Variants in ST7L observed in about 807,000 individuals in gnomAD.
ST7L encodes the protein suppressor of tumorigenicity 7 protein-like.
A neutral mutation model predicts 72.5 loss-of-function variants in ST7L; 57 were observed. The ratio of observed to expected loss-of-function variants is 0.79; its 90% CI spans 0.64 to 0.98. The LOEUF (loss-of-function observed/expected upper bound fraction) is 0.98. Ranked by LOEUF, ST7L falls within the 50% of genes least tolerant of loss-of-function variation. The probability of loss-of-function intolerance (pLI) is 0.00; values close to 1 mark genes in which losing one functional copy is unlikely to be tolerated. For missense variants in ST7L, 576 were observed against 672.2 expected (o/e 0.86, Z 1.58); for synonymous variants, 221 against 240.9 (o/e 0.92, Z 0.77).
At chr1:112,613,517 C>T (rs1042543485) in intron 2 of ST7L, among the ~76,000 whole-genome samples, 4 of 152,128 alleles carry the variant, frequency 2.6e-5, no homozygotes, top group African/African-American at 4.8e-5. Flanking sequence ...TCTCTTTATA[C>T]ATGTATATGT....
At chr1:112,599,096 A>ATATG (rs1187115548) in intron 4 of ST7L, among the ~76,000 whole-genome samples, 4 of 82,246 alleles carry the variant, frequency 4.9e-5, no homozygotes, top group Non-Finnish European at 9.2e-5. Context: ...ATATATATAT[A>ATATG]TATATATATA....
At chr1:112,611,969 C>CAAAAAAAA (rs146893029) in intron 2 of ST7L, among the ~76,000 whole-genome samples, 2 of 71,566 alleles carry the variant, frequency 2.8e-5, no homozygotes, top group Non-Finnish European at 5.3e-5. Context: ...GACCCTGTCT[C>CAAAAAAAA]AAAAAAAAAA....
Position 112,610,953 on chromosome 1 carries a change from T to C in ST7L, c.339A>G (p.Gln113=). 1 of 1,614,240 alleles carries C rather than the reference T, an allele frequency of 6.2e-7. No individual in the cohort carries two copies. The highest frequency in any genetic ancestry group is 8.5e-7 in the Non-Finnish European group (1 of 1,180,042). ...FHKHGTSFIE[Q]VSVSHLQPLM... is the part of the protein sequence containing the mutation. Reference sequence around the variant, plus strand: ...GTGGTTGCAAATGGCTTACAGATACTTGCTCAATAAAAGATGTGCCATGCT... The same window carrying C: ...GTGGTTGCAAATGGCTTACAGATACCTGCTCAATAAAAGATGTGCCATGCT... The change falls in exon 3 of 15, where the codon CAA becomes CAG. Residue 113 remains glutamine (Q), a synonymous_variant. Transcript: ENST00000358039.
At chr1:112,602,123 CT>C (rs1667513701) in intron 3 of ST7L, among the ~76,000 whole-genome samples, 1 of 147,726 alleles carries the variant, frequency 6.8e-6, no homozygotes, top group South Asian at 2.2e-4. Flanking sequence ...AGAAAATAGA[CT>C]GTAAGAAATT....
chr1:112,561,373 T>C (rs1160533180), intron 11 of ST7L, among the ~76,000 whole-genome samples: 1 of 115,604 alleles, frequency 8.7e-6, no homozygotes, highest in African/African-American at 3.8e-5. Flanking sequence ...TTGAGCTCCC[T>C]GCCTCAAAAA....
At chr1:112,568,884 A>ATATATATATATG in intron 11 of ST7L, among the ~76,000 whole-genome samples, 1 of 131,704 alleles carries the variant, frequency 7.6e-6, no homozygotes. Context: ...ATATATATAT[A>ATATATATATATG]TATAAAACAA....
chr1:112,521,311 CTTTTTTTTTT>C (rs5777124), downstream of ST7L: 1 of 122,100 alleles, frequency 8.2e-6, no homozygotes, highest in East Asian at 2.4e-4. Context: ...CTTGTGTTGC[CTTTTTTTTTT>C]TTTTTTTTTT....
At position 112,526,272 on chromosome 1, in the gene ST7L, A is replaced by G. The variant is rs1653367742; in HGVS notation, c.1630-161T>C. On this transcript the variant is annotated intron_variant, in intron 14 of 14. Transcript: ENST00000358039. ...CATTTCTGCCACTATTACCACCAGT[A>G]CCATGTGACCACTATACAACATATT... 14 of 825,860 alleles carry G rather than the reference A, an allele frequency of 1.7e-5. No homozygotes were observed. The Admixed American group carries it at 2.0e-4, about 12-fold the overall frequency. 51.2% of individuals were successfully genotyped at this position (825,860 alleles called of 1,614,324 possible). A position where few individuals can be genotyped will look rare whatever the true frequency, so the allele number is the denominator to read the frequency against.
At chr1:112,577,197 G>T in intron 10 of ST7L, 109 bp from the exon 11 acceptor site, 1 of 568,880 alleles carries the variant, frequency 1.8e-6, no homozygotes, top group Non-Finnish European at 2.8e-6. Flanking sequence ...TCTGGAGATG[G>T]CCAAAAACAA....
chr1:112,544,294 G>C (rs1224374528), intron 13 of ST7L, among the ~76,000 whole-genome samples: 8 of 152,156 alleles, frequency 5.3e-5, no homozygotes, highest in Non-Finnish European at 1.0e-4. Flanking sequence ...ATGATTCACA[G>C]AGATTACACC....
chr1:112,520,808 T>TG (rs1652831111), downstream of ST7L: 2 of 392,556 alleles, frequency 5.1e-6, no homozygotes, highest in Non-Finnish European at 9.2e-6. Flanking sequence ...AAGTACGTAG[T>TG]TGAGGCTCCT....
intron 11 of ST7L, chr1:112,571,417 A>G (rs144865740): frequency 8.0e-6 from 3 of 376,152 alleles, no homozygotes; most frequent in Non-Finnish European, 1.5e-5. Flanking sequence ...ATCTATCTAT[A>G]TATCTATATA....
chr1:112,526,725 G>C (rs999588042), intron 14 of ST7L: 1 of 144,082 alleles, frequency 6.9e-6, no homozygotes, highest in Non-Finnish European at 1.5e-5. Flanking sequence ...GGGAGACAGA[G>C]CGAGACTCCG....
chr1:112,560,613 C>T (rs1206351772), intron 11 of ST7L, among the ~76,000 whole-genome samples: 1 of 152,108 alleles, frequency 6.6e-6, no homozygotes, highest in Admixed American at 6.5e-5. Context: ...CTATAAAAAC[C>T]ATATCCTTAA....
intron 14 of ST7L, among the ~76,000 whole-genome samples, chr1:112,535,093 C>T (rs946999621): frequency 6.6e-6 from 1 of 152,178 alleles, no homozygotes; most frequent in African/African-American, 2.4e-5. Flanking sequence ...ATATTGTTGG[C>T]TGGGCGCAGT....
chr1:112,518,153 G>C, the ST7L span: 1 of 152,256 alleles, frequency 6.6e-6, no homozygotes, highest in African/African-American at 2.4e-5. Flanking sequence ...GTCTGTTCGA[G>C]GTATTTGTGG....
intron 3 of ST7L, chr1:112,610,407 T>A (rs913250485): frequency 6.5e-6 from 1 of 154,818 alleles, no homozygotes; most frequent in Non-Finnish European, 1.4e-5. Context: ...GACAAATTTC[T>A]GTGTCTTGGT....
At chr1:112,618,106 A>G (rs1670217739) in intron 1 of ST7L, 4 of 1,300,940 alleles carry the variant, frequency 3.1e-6, no homozygotes, top group Non-Finnish European at 4.1e-6. Context: ...AAATACTTAT[A>G]TCTTGTTCTG....
chr1:112,543,377 G>A (rs568545124), intron 13 of ST7L, among the ~76,000 whole-genome samples: 11 of 151,960 alleles, frequency 7.2e-5, no homozygotes, highest in South Asian at 4.2e-4. Flanking sequence ...GTGAAACCCC[G>A]TCTCTACTAA....
Sources: gnomAD v4.1 joint callset for allele counts (sites outside exome capture counted in the v4.1 genomes callset) on GRCh38, gnomAD v4.1.1 for gene constraint, MANE v1.5 for transcripts, NCBI Gene and HGNC (gene_info 2026-07-23, HGNC 2026-07-21) for gene names.